Variants in DNAAF4 observed in about 807,000 individuals in gnomAD.
DNAAF4 encodes dynein assembly factor 4, axonemal.
A neutral mutation model predicts 51.8 loss-of-function variants in DNAAF4; 43 were observed. The observed-to-expected ratio is 0.83, with a 90% CI of 0.65 to 1.07. The LOEUF (loss-of-function observed/expected upper bound fraction) is 1.07, where lower values mean the gene tolerates loss of function less well. DNAAF4 is among the 50% of genes least tolerant of loss of function. The probability of loss-of-function intolerance (pLI) is 0.00; values close to 1 mark genes in which losing one functional copy is unlikely to be tolerated. For synonymous variants in DNAAF4, 194 were observed against 165.6 expected (o/e 1.17, Z -1.32); for missense variants, 581 against 493.0 (o/e 1.18, Z -1.69).
chr15:55,447,065 G>A (rs1246253611), intron 6 of DNAAF4, among the ~76,000 whole-genome samples: 4 of 146,464 alleles, frequency 2.7e-5, no homozygotes, highest in Non-Finnish European at 6.0e-5. Flanking sequence ...TCCCAGATGG[G>A]GCAGCTGACG....
rs531259177 is a variant in DNAAF4 at position 55,446,785 on chromosome 15, C to T, written c.783+3437G>A. Among the ~76,000 whole-genome samples the T allele has an allele frequency of 4.7e-5, 7 of 147,434 alleles. No individual in the cohort carries two copies. The East Asian group carries it at 1.5e-3, about 31-fold the overall frequency. On this transcript the variant is annotated intron_variant, in intron 6 of 9. Coordinates refer to ENST00000321149, the MANE Select transcript of DNAAF4 (RefSeq NM_130810.4). ...GGGTGGTGGCCAGGCAGAGGCGCTCCTCACATCCCAGATGGGGCGGCCGGG... is the reference window on the plus strand; with the variant it reads ...GGGTGGTGGCCAGGCAGAGGCGCTCTTCACATCCCAGATGGGGCGGCCGGG...
At chr15:55,480,579 C>G (rs977401521) in intron 4 of DNAAF4, among the ~76,000 whole-genome samples, 40 of 152,080 alleles carry the variant, frequency 2.6e-4, no homozygotes, top group African/African-American at 8.7e-4. Context: ...ATCAATATAG[C>G]TCCCAATAAC....
intron 4 of DNAAF4, among the ~76,000 whole-genome samples, chr15:55,483,833 CTTTTTTTTTTTTTTTT>C (rs71105887): frequency 0.024 from 2,000 of 82,416 alleles, 55 homozygotes; most frequent in Non-Finnish European, 0.036. Flanking sequence ...GCCAATAAAG[CTTTTTTTTTTTTTTTT>C]TTTTTTTTTT....
At chr15:55,446,296 C>CCGG (rs1555415276) in intron 6 of DNAAF4, among the ~76,000 whole-genome samples, 1 of 19,254 alleles carries the variant, frequency 5.2e-5, no homozygotes, top group Non-Finnish European at 7.6e-5. Context: ...ACATCCCAGA[C>CCGG]GGGGGGGGGG....
chr15:55,418,969 G>C (rs970497092), intron 7 of DNAAF4, among the ~76,000 whole-genome samples: 5 of 141,886 alleles, frequency 3.5e-5, no homozygotes, highest in Non-Finnish European at 7.5e-5. Context: ...CTGTCGCCCA[G>C]GTTAGAGTGC....
At position 55,469,021 on chromosome 15, in the gene DNAAF4, T is replaced by G. The variant is rs558891648; in HGVS notation, c.406-1860A>C. On this transcript the variant is annotated intron_variant, in intron 4 of 9. Transcript: ENST00000321149. ...TATGATAAAGAGAAAAGAGACTACA[T>G]GTACCAAAGAAAAACAGAGTGTACA... Among the ~76,000 whole-genome samples, 68 of 152,176 alleles carry G rather than the reference T, an allele frequency of 4.5e-4. No homozygotes were observed. In the South Asian group the frequency reaches 0.014, roughly 31 times the overall value.
intron 5 of DNAAF4, among the ~76,000 whole-genome samples, chr15:55,453,547 TC>T (rs1448584672): frequency 1.4e-5 from 2 of 142,254 alleles, no homozygotes; most frequent in African/African-American, 2.7e-5. Context: ...AAAAAACAGT[TC>T]TTTTTTTTTT....
chr15:55,428,299 G>T (rs2057450318), downstream of DNAAF4, among the ~76,000 whole-genome samples: 1 of 151,864 alleles, frequency 6.6e-6, no homozygotes, highest in Non-Finnish European at 1.5e-5. Context: ...TCCTACAAAG[G>T]CAATTCCGTC....
At chr15:55,480,557 T>G (rs1372478679) in intron 4 of DNAAF4, among the ~76,000 whole-genome samples, 1 of 152,054 alleles carries the variant, frequency 6.6e-6, no homozygotes, top group Non-Finnish European at 1.5e-5. Context: ...ACTTGTTTAC[T>G]TAGCCCCCGA....
At chr15:55,494,592 A>C (rs2058616113) in intron 3 of DNAAF4, among the ~76,000 whole-genome samples, 1 of 151,742 alleles carries the variant, frequency 6.6e-6, no homozygotes, top group African/African-American at 2.4e-5. Flanking sequence ...TTGTATTTTT[A>C]GTAGAGACAG....
intron 3 of DNAAF4, among the ~76,000 whole-genome samples, chr15:55,494,683 A>G (rs981686152): frequency 6.6e-6 from 1 of 152,146 alleles, no homozygotes; most frequent in Non-Finnish European, 1.5e-5. Context: ...AAGTGATGGG[A>G]TTACAAGCAT....
At chr15:55,474,557 A>C (rs2058310285) in intron 4 of DNAAF4, among the ~76,000 whole-genome samples, 1 of 152,066 alleles carries the variant, frequency 6.6e-6, no homozygotes, top group African/African-American at 2.4e-5. Context: ...AGATCAACTT[A>C]TACAAACTTA....
At chr15:55,485,919 C>T (rs911581751) in intron 4 of DNAAF4, among the ~76,000 whole-genome samples, 2 of 145,846 alleles carry the variant, frequency 1.4e-5, no homozygotes, top group Non-Finnish European at 3.0e-5. Flanking sequence ...GGCATGAACC[C>T]AGGAGGCAGA....
intron 5 of DNAAF4, among the ~76,000 whole-genome samples, chr15:55,459,077 A>G (rs1210435628): frequency 6.8e-6 from 1 of 146,594 alleles, no homozygotes; most frequent in Non-Finnish European, 1.5e-5. Flanking sequence ...CTCTGTCTCA[A>G]AAAAAAAAAA....
intron 6 of DNAAF4, chr15:55,442,915 G>A (rs1469228101): frequency 1.9e-6 from 3 of 1,611,520 alleles, no homozygotes; most frequent in South Asian, 2.2e-5. Flanking sequence ...CAATCCAGGT[G>A]GTCCTTCTAG....
At chr15:55,433,718 A>T (rs2057535662) in intron 8 of DNAAF4, among the ~76,000 whole-genome samples, 1 of 132,432 alleles carries the variant, frequency 7.6e-6, no homozygotes, top group Non-Finnish European at 1.5e-5. Flanking sequence ...TATTATATAT[A>T]TAAAACAAAT....
intron 4 of DNAAF4, among the ~76,000 whole-genome samples, chr15:55,482,135 T>C (rs149881504): frequency 0.011 from 1,718 of 152,336 alleles, 17 homozygotes; most frequent in South Asian, 0.016. Flanking sequence ...GCTTTGTTTG[T>C]GCATTTTGTT....
At chr15:55,418,592 G>A (rs2057358929) in intron 7 of DNAAF4, 2 of 1,348,050 alleles carry the variant, frequency 1.5e-6, no homozygotes, top group Non-Finnish European at 2.0e-6. Context: ...TTTGTATATT[G>A]AAGAGAAAAT....
chr15:55,467,924 T>A (rs910304817), intron 4 of DNAAF4, among the ~76,000 whole-genome samples: 2 of 152,192 alleles, frequency 1.3e-5, no homozygotes, highest in Admixed American at 1.3e-4. Context: ...CTAGTTGGTG[T>A]ACATGATTGA....
Sources: allele counts gnomAD v4.1 joint callset (sites outside exome capture counted in the v4.1 genomes callset), GRCh38; gene constraint gnomAD v4.1.1; transcripts MANE v1.5; gene names NCBI Gene and HGNC (gene_info 2026-07-23, HGNC 2026-07-21).